Variants in TMCO4 observed in about 807,000 individuals in gnomAD.
TMCO4 encodes the protein transmembrane and coiled-coil domains 4.
A neutral mutation model predicts 64.7 loss-of-function variants in TMCO4; 58 were observed. The ratio of observed to expected loss-of-function variants is 0.90; its 90% confidence interval spans 0.73 to 1.12. TMCO4 has a LOEUF of 1.12. Ranked by LOEUF, TMCO4 falls within the 50% of genes most tolerant of loss-of-function variation. TMCO4 has a pLI of 0.00. For synonymous variants in TMCO4, 325 were observed against 346.1 expected (o/e 0.94, Z 0.68); for missense variants, 780 against 825.9 (o/e 0.94, Z 0.68).
At chr1:19,748,660 A>G (rs2041893761) in intron 7 of TMCO4, among the ~76,000 whole-genome samples, 1 of 152,118 alleles carries the variant, frequency 6.6e-6, no homozygotes, top group Non-Finnish European at 1.5e-5. Context: ...CCCCATCTCT[A>G]CTAAAAACAC....
intron 9 of TMCO4, 149 bp from the exon 10 acceptor site, chr1:19,745,800 G>T: frequency 9.0e-7 from 1 of 1,115,198 alleles, no homozygotes; most frequent in Non-Finnish European, 1.3e-6. Context: ...AACTCATTAA[G>T]GTAGGTGCCA....
At chr1:19,768,590 G>A (rs1430163817) in intron 6 of TMCO4, among the ~76,000 whole-genome samples, 1 of 152,156 alleles carries the variant, frequency 6.6e-6, no homozygotes, top group African/African-American at 2.4e-5. Flanking sequence ...CTTGGGGGCC[G>A]CCTGGCTGTC....
Position 19,755,764 on chromosome 1 carries a change from G to A in TMCO4, c.385C>T (p.His129Tyr), listed in dbSNP as rs754788119. ...DLLSFSLKDGHYDARARVLVC... is the reference protein window; with the variant it reads ...DLLSFSLKDGYYDARARVLVC... ...AGGACTCTGGCCCGGGCGTCATAGT[G>A]CCCTCGAAAGACAGAAACAACACCG... Residue 129 changes from histidine (H) to tyrosine (Y), a missense_variant and splice_region_variant, in exon 7 of 16, where the codon CAC (histidine) becomes TAC (tyrosine). Physicochemically the swap from His to Tyr is moderately conservative, Grantham distance 83 (BLOSUM62 2). Coordinates refer to ENST00000294543, the MANE Select transcript of TMCO4 (RefSeq NM_181719.7). 1.9e-6 allele frequency: 3 copies of A among 1,614,008 alleles called. No individual in the cohort carries two copies. Among genetic ancestry groups the A allele is most frequent in the Admixed American group, 3.3e-5 (2 of 60,002 alleles).
At chr1:19,721,229 C>T (rs1282664364) in intron 13 of TMCO4, among the ~76,000 whole-genome samples, 2 of 152,188 alleles carry the variant, frequency 1.3e-5, no homozygotes. Context: ...TTCTGAGACT[C>T]AGACAGCCAT....
chr1:19,764,749 G>A (rs949035921), intron 6 of TMCO4, among the ~76,000 whole-genome samples: 2 of 151,800 alleles, frequency 1.3e-5, no homozygotes, highest in African/African-American at 4.8e-5. Context: ...CGGCTAGTCG[G>A]GAGGCTGAGG....
intron 2 of TMCO4, among the ~76,000 whole-genome samples, chr1:19,793,903 A>G (rs901266524): frequency 6.6e-6 from 1 of 152,108 alleles, no homozygotes; most frequent in African/African-American, 2.4e-5. Flanking sequence ...CAGCTGTTCA[A>G]GCACAGCACC....
intron 7 of TMCO4, among the ~76,000 whole-genome samples, chr1:19,752,100 T>A (rs1245341686): frequency 1.3e-5 from 2 of 151,944 alleles, no homozygotes; most frequent in Non-Finnish European, 2.9e-5. Context: ...CCAGACATCG[T>A]TCATTATTGC....
At chr1:19,695,733 C>T (rs1473436516) in intron 14 of TMCO4, among the ~76,000 whole-genome samples, 1 of 152,154 alleles carries the variant, frequency 6.6e-6, no homozygotes, top group African/African-American at 2.4e-5. Context: ...TCTCTGAGCA[C>T]CTGGGTTTGT....
chr1:19,739,836 GAGC>G lies in TMCO4; in HGVS notation c.1164_1166del (p.Leu389del), dbSNP rs1297861757. ...CATTCCCAGGTACCTGCTGCCGGGA[GAGC>G]AGGATGTGGGCCAGGTGCTTGCCAA... is the stretch of plus-strand genomic sequence containing the variant. On this transcript the variant is annotated inframe_deletion, in exon 12 of 16. Transcript: ENST00000294543. 1 of 1,613,550 alleles carries G rather than the reference GAGC, an allele frequency of 6.2e-7. No homozygotes were observed. Among genetic ancestry groups the G allele is most frequent in the Non-Finnish European group, 8.5e-7 (1 of 1,179,834 alleles).
intron 10 of TMCO4, among the ~76,000 whole-genome samples, chr1:19,741,225 T>G (rs1000823200): frequency 6.6e-6 from 1 of 152,264 alleles, no homozygotes; most frequent in Admixed American, 6.5e-5. Context: ...CTATGTGAAG[T>G]GGGGAGATGG....
intron 6 of TMCO4, among the ~76,000 whole-genome samples, chr1:19,763,327 C>T (rs771712579): frequency 3.9e-5 from 6 of 152,184 alleles, no homozygotes; most frequent in Non-Finnish European, 7.3e-5. Flanking sequence ...CTGCCTGCCT[C>T]GGCCTCCCAA....
At chr1:19,797,680 T>C (rs1414459932) in intron 2 of TMCO4, among the ~76,000 whole-genome samples, 2 of 151,714 alleles carry the variant, frequency 1.3e-5, no homozygotes, top group African/African-American at 2.4e-5. Flanking sequence ...ACCAGCCCAA[T>C]ATGGTGAAAC....
rs2095442520 is a variant in TMCO4 at position 19,734,138 on chromosome 1, A to G, written c.1264+3234T>C. On this transcript the variant is annotated intron_variant, in intron 13 of 15. Coordinates refer to ENST00000294543, the MANE Select transcript of TMCO4 (RefSeq NM_181719.7). This position sits in a 1 kb window ranked among gnomAD's most constrained non-coding sequence, Gnocchi z 4.4. ...AGAAATGAGTAGGAATTATCTAGAA[A>G]AGGAGACAGAGAGGACGGACCAAGA... Among the ~76,000 whole-genome samples the G allele has an allele frequency of 2.0e-5, 3 of 152,172 alleles. No individual in the cohort carries two copies. The highest frequency in any genetic ancestry group is 4.4e-5 in the Non-Finnish European group (3 of 68,036).
At chr1:19,782,577 G>T (rs1379641296) in intron 3 of TMCO4, among the ~76,000 whole-genome samples, 2 of 152,114 alleles carry the variant, frequency 1.3e-5, no homozygotes, top group Non-Finnish European at 2.9e-5. Flanking sequence ...AAGGGAGGAA[G>T]GTCTCCTCTT....
chr1:19,727,786 A>C (rs1366596555), intron 13 of TMCO4, among the ~76,000 whole-genome samples: 1 of 152,250 alleles, frequency 6.6e-6, no homozygotes, highest in Non-Finnish European at 1.5e-5. Context: ...TCACAATAGC[A>C]AAGACATGGA....
At position 19,705,538 on chromosome 1, in the gene TMCO4, C is replaced by CA. The variant is rs201649957; in HGVS notation, c.1265-4654dup. On this transcript the variant is annotated intron_variant, in intron 13 of 15. Transcript: ENST00000294543. The stretch of plus-strand genomic sequence containing the variant: ...GATAAAAAAATAAAAAAAAGAATTG[C>CA]AAAAAAAAAAACAACTCATGTTTTA... Among the ~76,000 whole-genome samples the CA allele has an allele frequency of 4.1e-3, 567 of 138,676 alleles. 1 individual carries two copies. Among genetic ancestry groups the CA allele is most frequent in the East Asian group, 9.7e-3 (46 of 4,752 alleles). The allele number at this position is 138,676 out of a possible 152,430, so 91.0% of individuals were successfully genotyped here.
rs147714288 is a variant in TMCO4, at chr1:19,682,515, G to A, written c.*525C>T. The stretch of plus-strand genomic sequence containing the variant: ...GATCTGATTGGATCTCCTAAGAGCA[G>A]GAGTGAGCTGCCTTCTTTGTACCTG... On this transcript the variant is annotated 3_prime_UTR_variant, in exon 16 of 16. Transcript: ENST00000294543. 111 of 691,850 alleles carry A rather than the reference G, an allele frequency of 1.6e-4. 1 individual carries two copies. The African/African-American group carries it at 1.8e-3, about 11-fold the overall frequency. The allele number at this position is 691,850 out of a possible 1,614,324, so 42.9% of individuals were successfully genotyped here. A position where few individuals can be genotyped will look rare whatever the true frequency, so the allele number is the denominator to read the frequency against.
chr1:19,785,315 C>T (rs563560579), intron 3 of TMCO4, among the ~76,000 whole-genome samples: 6 of 152,178 alleles, frequency 3.9e-5, no homozygotes, highest in African/African-American at 1.4e-4. Flanking sequence ...ATCTCAGCAC[C>T]CTGTTCTATT....
intron 14 of TMCO4, among the ~76,000 whole-genome samples, chr1:19,696,408 G>C (rs1434517653): frequency 6.8e-6 from 1 of 147,958 alleles, no homozygotes; most frequent in African/African-American, 2.7e-5. Flanking sequence ...AAATTAGCTG[G>C]GCATGGTGGT....
Sources: allele counts gnomAD v4.1 joint callset (sites outside exome capture counted in the v4.1 genomes callset), GRCh38; gene constraint gnomAD v4.1.1; non-coding constraint Gnocchi (gnomAD v3.1); transcripts MANE v1.5; gene names NCBI Gene and HGNC (gene_info 2026-07-23, HGNC 2026-07-21).